Variants in VPS54 observed in about 807,000 individuals in gnomAD.
The protein encoded by VPS54 is VPS54 subunit of GARP complex.
Under a neutral mutation model 121.5 loss-of-function variants are expected in VPS54, and 45 were observed. The ratio of observed to expected loss-of-function variants is 0.37; its 90% CI spans 0.29 to 0.47. VPS54 has a LOEUF of 0.47. Ranked by LOEUF, VPS54 falls within the 20% of genes least tolerant of loss-of-function variation. VPS54 has a pLI of 0.99. For missense variants in VPS54, 1,090 were observed against 1,131.4 expected, an observed-to-expected ratio of 0.96 and a Z score of 0.52; for synonymous variants, 371 against 385.8, an observed-to-expected ratio of 0.96 and a Z score of 0.45.
At chr2:63,905,653 G>A (rs1287009971) in intron 20 of VPS54, among the ~76,000 whole-genome samples, 1 of 151,956 alleles carries the variant, frequency 6.6e-6, no homozygotes, top group Non-Finnish European at 1.5e-5. Flanking sequence ...GGAAATATAG[G>A]AGGAAGAATA....
chr2:63,963,180 T>C (rs1405467694), intron 6 of VPS54, among the ~76,000 whole-genome samples: 1 of 152,118 alleles, frequency 6.6e-6, no homozygotes, highest in Non-Finnish European at 1.5e-5. Flanking sequence ...AGTGATTCTT[T>C]TATCAATTTG....
intron 20 of VPS54, among the ~76,000 whole-genome samples, chr2:63,909,255 T>C (rs989988758): frequency 6.6e-6 from 1 of 152,262 alleles, no homozygotes; most frequent in Non-Finnish European, 1.5e-5. Context: ...TTATTCACCC[T>C]TGTGTATCCC....
At chr2:63,895,302 A>G (rs574730834) in intron 22 of VPS54, among the ~76,000 whole-genome samples, 2 of 152,284 alleles carry the variant, frequency 1.3e-5, no homozygotes, top group South Asian at 4.1e-4. Context: ...AAAAATACAA[A>G]AAGTAGCCAG....
intron 20 of VPS54, among the ~76,000 whole-genome samples, chr2:63,904,570 A>G (rs1348847258): frequency 6.6e-6 from 1 of 152,144 alleles, no homozygotes; most frequent in Non-Finnish European, 1.5e-5. Context: ...AAAGATCTGA[A>G]CACAAAAACA....
intron 3 of VPS54, among the ~76,000 whole-genome samples, chr2:63,973,234 T>C (rs1055905146): frequency 3.3e-5 from 5 of 152,246 alleles, no homozygotes; most frequent in African/African-American, 1.2e-4. Flanking sequence ...CTAATAGATA[T>C]GTAGTGGCAT....
chr2:63,930,048 GA>G (rs768870642), intron 12 of VPS54, among the ~76,000 whole-genome samples: 3 of 152,104 alleles, frequency 2.0e-5, no homozygotes, highest in Non-Finnish European at 4.4e-5. Flanking sequence ...AAAAGTTCAG[GA>G]CCAGACAGAT....
intron 1 of VPS54, among the ~76,000 whole-genome samples, chr2:64,002,198 T>A (rs943602761): frequency 6.6e-6 from 1 of 152,198 alleles, no homozygotes; most frequent in African/African-American, 2.4e-5. Flanking sequence ...CCACACCACA[T>A]AGTCGCTGCA....
At chr2:63,927,327 AT>A (rs1673955622) in intron 12 of VPS54, among the ~76,000 whole-genome samples, 1 of 152,084 alleles carries the variant, frequency 6.6e-6, no homozygotes, top group Non-Finnish European at 1.5e-5. Context: ...AGGCAGCAAT[AT>A]TTGCTGTTCT....
chr2:63,893,993 A>C (rs754926765), intron 22 of VPS54, among the ~76,000 whole-genome samples: 4 of 152,218 alleles, frequency 2.6e-5, no homozygotes, highest in Admixed American at 2.0e-4. Flanking sequence ...GCGATACTGG[A>C]TATTTCTTTA....
At chr2:63,991,432 T>C (rs899747523) in intron 1 of VPS54, among the ~76,000 whole-genome samples, 4 of 152,192 alleles carry the variant, frequency 2.6e-5, no homozygotes, top group African/African-American at 9.7e-5. Flanking sequence ...GTGAAGGCAT[T>C]GGATCAGACA....
intron 7 of VPS54, among the ~76,000 whole-genome samples, chr2:63,959,501 AAC>A (rs1460515463): frequency 5.9e-5 from 9 of 152,238 alleles, no homozygotes; most frequent in Admixed American, 6.5e-5. Flanking sequence ...ATGAAGAAAT[AAC>A]ACTCTTTACA....
intron 3 of VPS54, among the ~76,000 whole-genome samples, chr2:63,972,595 A>T (rs940116927): frequency 5.3e-5 from 8 of 152,218 alleles, no homozygotes; most frequent in African/African-American, 1.9e-4. Context: ...CTAAGATAGA[A>T]ACAAATTAGG....
intron 1 of VPS54, among the ~76,000 whole-genome samples, chr2:63,999,599 T>C (rs1348721457): frequency 6.6e-6 from 1 of 152,178 alleles, no homozygotes; most frequent in Non-Finnish European, 1.5e-5. Context: ...TAGTGTCCTA[T>C]AACCTTCTTG....
chr2:63,938,070 G>A (rs1419671649), intron 11 of VPS54, among the ~76,000 whole-genome samples: 1 of 150,352 alleles, frequency 6.7e-6, no homozygotes, highest in Non-Finnish European at 1.5e-5. Context: ...GTGTGTGTGT[G>A]TGTGTGTGTG....
rs373003621 is a variant in VPS54 at position 63,944,663 on chromosome 2, A to G, written c.1246-8T>C. 16 of 1,602,780 alleles carry G rather than the reference A, an allele frequency of 1.0e-5. No homozygotes were observed. Among genetic ancestry groups the G allele is most frequent in the Non-Finnish European group, 1.4e-5 (16 of 1,175,416 alleles). On this transcript the variant is annotated splice_polypyrimidine_tract_variant and splice_region_variant and intron_variant, in intron 9 of 22. Coordinates refer to ENST00000272322, the MANE Select transcript of VPS54 (RefSeq NM_016516.3). ...AACTTTATTAATCACACACTGCAAAATTTAAGAAAAAACAAAAACAATTTG... is the reference window on the plus strand; with the variant it reads ...AACTTTATTAATCACACACTGCAAAGTTTAAGAAAAAACAAAAACAATTTG...
chr2:63,986,921 G>A (rs1167366007), intron 1 of VPS54, among the ~76,000 whole-genome samples: 1 of 152,066 alleles, frequency 6.6e-6, no homozygotes, highest in Non-Finnish European at 1.5e-5. Flanking sequence ...CAACATATTG[G>A]ATTTTTATCT....
chr2:63,979,780 A>AT (rs1676722690), intron 3 of VPS54, among the ~76,000 whole-genome samples: 1 of 151,950 alleles, frequency 6.6e-6, no homozygotes, highest in Admixed American at 6.6e-5. Flanking sequence ...ATATCTGTGG[A>AT]TTTTCCACCA....
intron 1 of VPS54, among the ~76,000 whole-genome samples, chr2:64,003,856 C>T (rs1309273871): frequency 6.6e-6 from 1 of 152,184 alleles, no homozygotes; most frequent in Non-Finnish European, 1.5e-5. Context: ...AACCACCAGC[C>T]AGAACCCCAC....
chr2:63,962,286 T>C lies in VPS54; in HGVS notation c.782A>G (p.Gln261Arg). The change falls in exon 7 of 23, where the codon CAG becomes CGG. Residue 261 changes from glutamine (Q) to arginine (R), a missense_variant. Physicochemically the swap from Gln to Arg is conservative, Grantham distance 43. This residue lies in a region of VPS54 where 801 missense variants were observed against 757.0 expected (regional missense o/e 1.06). Transcript: ENST00000272322. ...TCCTTCACACATTACTTTATCAATC[T>C]GTGCAATTTTATCTCGAAGCATTTT... is the stretch of plus-strand genomic sequence containing the variant. ...AVKMLRDKIA[Q>R]IDKVMCEGSL... 6.2e-7 allele frequency: 1 copy of C among 1,614,108 alleles called. No individual in the cohort carries two copies. Among genetic ancestry groups the C allele is most frequent in the Non-Finnish European group, 8.5e-7 (1 of 1,179,952 alleles).
Sources: gnomAD v4.1 joint callset for allele counts (sites outside exome capture counted in the v4.1 genomes callset) on GRCh38, gnomAD v4.1.1 for gene constraint, gnomAD v4.1.1 regional missense constraint, MANE v1.5 for transcripts, NCBI Gene and HGNC (gene_info 2026-07-23, HGNC 2026-07-21) for gene names.